STXBP6: variants seen among roughly 807,000 people sequenced by gnomAD.
STXBP6 encodes syntaxin binding protein 6, also known as syntaxin-binding protein 6.
In STXBP6, 21 loss-of-function variants were observed where a neutral mutation model predicts 26.9. That is an observed-to-expected ratio of 0.78 (90% CI 0.55 to 1.12). The LOEUF is 1.12. STXBP6 is among the 50% of genes most tolerant of loss of function. STXBP6 has a pLI of 0.00. For missense variants in STXBP6, 232 were observed against 257.9 expected (o/e 0.90, Z 0.69); for synonymous variants, 97 against 92.6 (o/e 1.05, Z -0.27).
rs2140536895 is a variant in STXBP6 at position 25,049,631 on chromosome 14, T to C, written c.-33+247A>G. On this transcript the variant is annotated intron_variant, in intron 1 of 5. Transcript: ENST00000323944. The surrounding 1 kb of genome is among the most constrained non-coding windows in gnomAD (Gnocchi z 5.6). ...ACTGCCCGCACAACGGGTCCCAGGGTTGGAGAGAACCAGGGACACGAGTCC... is the reference window on the plus strand; with the variant it reads ...ACTGCCCGCACAACGGGTCCCAGGGCTGGAGAGAACCAGGGACACGAGTCC... The C allele has an allele frequency of 1.0e-6, 1 of 985,368 alleles. No individual in the cohort carries two copies. The highest frequency in any genetic ancestry group is 1.2e-6 in the Non-Finnish European group (1 of 829,942). The allele number at this position is 985,368 out of a possible 1,614,324, so 61.0% of individuals were successfully genotyped here.
intron 2 of STXBP6, among the ~76,000 whole-genome samples, chr14:24,941,360 G>T (rs1464345713): frequency 6.6e-6 from 1 of 152,194 alleles, no homozygotes; most frequent in Admixed American, 6.5e-5. Context: ...CCTCATGCAG[G>T]CCTCTGTGAG....
rs543476529 is a variant in STXBP6, at chr14:25,000,212, G to A, written c.-32-25362C>T. Among the ~76,000 whole-genome samples, 72 of 152,130 alleles carry A rather than the reference G, an allele frequency of 4.7e-4. 1 individual carries two copies. The Middle Eastern group carries it at 0.014, about 29-fold the overall frequency. On this transcript the variant is annotated intron_variant, in intron 1 of 5. Coordinates refer to ENST00000323944, the MANE Select transcript of STXBP6 (RefSeq NM_001394410.1). ...GTAGTAGCTGGGACTACAGGCGCCT[G>A]CCACCACGCCTGGCTAATTTTTTTG...
intron 2 of STXBP6, among the ~76,000 whole-genome samples, chr14:24,934,038 G>C (rs1035380690): frequency 2.0e-5 from 3 of 152,016 alleles, no homozygotes; most frequent in African/African-American, 7.2e-5. Flanking sequence ...TACCAAAATT[G>C]AAGCAATGAA....
At chr14:25,005,750 A>G (rs546112564) in intron 1 of STXBP6, among the ~76,000 whole-genome samples, 15 of 152,242 alleles carry the variant, frequency 9.9e-5, no homozygotes, top group African/African-American at 3.4e-4. Context: ...AATAAAATAC[A>G]TAGCATAGTG....
rs368285304 is a variant in STXBP6 at position 24,850,049 on chromosome 14, T to C, written c.451+5887A>G. Among the ~76,000 whole-genome samples the C allele has an allele frequency of 4.6e-5, 7 of 152,286 alleles. No homozygotes were observed. In the East Asian group the frequency reaches 7.7e-4, roughly 17 times the overall value. ...AACATAAAAATCATGGCAAATGTTA[T>C]AGATTCCTTTAAAGTACTATATTAA... On this transcript the variant is annotated intron_variant, in intron 4 of 5. Transcript: ENST00000323944.
At chr14:24,859,732 T>C (rs747193687) in intron 2 of STXBP6, among the ~76,000 whole-genome samples, 18 of 152,190 alleles carry the variant, frequency 1.2e-4, no homozygotes, top group Non-Finnish European at 2.2e-4. Flanking sequence ...CCCAAAGTCA[T>C]TATTTTGAAT....
chr14:24,897,013 T>G (rs1425015205), intron 2 of STXBP6, among the ~76,000 whole-genome samples: 1 of 152,180 alleles, frequency 6.6e-6, no homozygotes, highest in Non-Finnish European at 1.5e-5. Flanking sequence ...AGTGTCTCTT[T>G]GCACTAAATC....
At chr14:24,946,160 T>C (rs2072982041) in intron 2 of STXBP6, among the ~76,000 whole-genome samples, 1 of 152,164 alleles carries the variant, frequency 6.6e-6, no homozygotes, top group Non-Finnish European at 1.5e-5. Context: ...GAGAAACAAA[T>C]ATGAAAAAAT....
intron 1 of STXBP6, among the ~76,000 whole-genome samples, chr14:25,025,530 A>G (rs1025340155): frequency 1.3e-5 from 2 of 152,024 alleles, no homozygotes; most frequent in African/African-American, 2.4e-5. Flanking sequence ...ATGTTTTAAC[A>G]TCATGTCCAA....
chr14:24,945,139 A>ATATTTT (rs2072937548), intron 2 of STXBP6, among the ~76,000 whole-genome samples: 1 of 100,652 alleles, frequency 9.9e-6, no homozygotes, highest in African/African-American at 3.6e-5. Context: ...CCAATTAGGA[A>ATATTTT]TTTTTTTTTT....
At chr14:25,041,942 G>C (rs1024624660) in intron 1 of STXBP6, among the ~76,000 whole-genome samples, 2 of 152,028 alleles carry the variant, frequency 1.3e-5, no homozygotes, top group Non-Finnish European at 2.9e-5. Context: ...AGGTAGAACA[G>C]GGTCTCAAAG....
chr14:24,989,135 C>T (rs1285221087), intron 1 of STXBP6, among the ~76,000 whole-genome samples: 1 of 152,198 alleles, frequency 6.6e-6, no homozygotes, highest in East Asian at 1.9e-4. Context: ...ACCATCTCTA[C>T]AACCTCCAAA....
At chr14:24,880,367 C>T (rs910821757) in intron 2 of STXBP6, among the ~76,000 whole-genome samples, 8 of 152,116 alleles carry the variant, frequency 5.3e-5, no homozygotes, top group African/African-American at 1.9e-4. Context: ...TATTCCCAAC[C>T]TCTTGGGGGT....
At chr14:25,011,895 C>T (rs2075040655) in intron 1 of STXBP6, among the ~76,000 whole-genome samples, 1 of 152,216 alleles carries the variant, frequency 6.6e-6, no homozygotes, top group African/African-American at 2.4e-5. Flanking sequence ...TGACTGAGAT[C>T]TTCAAAAGTC....
intron 2 of STXBP6, among the ~76,000 whole-genome samples, chr14:24,966,617 A>G (rs2073742476): frequency 6.6e-6 from 1 of 152,252 alleles, no homozygotes; most frequent in African/African-American, 2.4e-5. Flanking sequence ...CTTTCCTAAT[A>G]GCAAGGTTTT....
chr14:24,919,571 C>T (rs935383914), intron 2 of STXBP6, among the ~76,000 whole-genome samples: 6 of 150,662 alleles, frequency 4.0e-5, no homozygotes, highest in African/African-American at 9.8e-5. Context: ...TCACTTAGTA[C>T]GTCAGATTAA....
intron 1 of STXBP6, among the ~76,000 whole-genome samples, chr14:25,006,669 C>T (rs1281296802): frequency 1.3e-5 from 2 of 152,140 alleles, no homozygotes; most frequent in African/African-American, 2.4e-5. Context: ...GAGGGGTTCA[C>T]GTCCAAGCTG....
chr14:25,000,540 C>T (rs761513373), intron 1 of STXBP6, among the ~76,000 whole-genome samples: 10 of 151,494 alleles, frequency 6.6e-5, no homozygotes, highest in Non-Finnish European at 1.2e-4. Flanking sequence ...CCTAGGCTAG[C>T]CATAGAAACT....
intron 2 of STXBP6, among the ~76,000 whole-genome samples, chr14:24,870,427 G>A (rs528785349): frequency 2.0e-5 from 3 of 152,160 alleles, no homozygotes; most frequent in East Asian, 1.9e-4. Context: ...TTACATGTAC[G>A]GTTTGTACTT....
Sources: gnomAD v4.1 joint callset for allele counts (sites outside exome capture counted in the v4.1 genomes callset) on GRCh38, gnomAD v4.1.1 for gene constraint, Gnocchi (gnomAD v3.1) non-coding constraint, MANE v1.5 for transcripts, NCBI Gene and HGNC (gene_info 2026-07-23, HGNC 2026-07-21) for gene names.